The following ADGRD1 variants were observed in gnomAD, a reference collection of about 807,000 sequenced individuals.
The protein encoded by ADGRD1 is G-protein coupled receptor 133.
Under a neutral mutation model 113.4 loss-of-function variants are expected in ADGRD1, and 77 were observed. That is an observed-to-expected ratio of 0.68 (90% CI 0.57 to 0.82). The LOEUF is 0.82. Among genes scored for constraint, ADGRD1 ranks in the 40% least tolerant of loss-of-function variants. The pLI is 0.00. For missense variants in ADGRD1, 1,036 were observed against 1,139.1 expected (o/e 0.91, Z 1.30); for synonymous variants, 474 against 475.0 (o/e 1.00, Z 0.03).
intron 13 of ADGRD1, chr12:131,070,230 G>A (rs1431130993): frequency 6.6e-6 from 1 of 152,414 alleles, no homozygotes; most frequent in African/African-American, 2.4e-5. Flanking sequence ...ACGGGCTCGC[G>A]ACCTGTATGA....
chr12:130,996,926 C>T (rs1475916174), intron 8 of ADGRD1, among the ~76,000 whole-genome samples: 1 of 129,372 alleles, frequency 7.7e-6, no homozygotes, highest in Non-Finnish European at 1.7e-5. Flanking sequence ...AGGAGCCCCT[C>T]ACCTCCCGGA....
Position 130,992,246 on chromosome 12 carries a change from G to A in ADGRD1, c.820G>A (p.Asp274Asn), listed in dbSNP as rs1874506335. The change falls in exon 8 of 25, where the codon GAT becomes AAT. Residue 274 changes from aspartate (D) to asparagine (N), a missense_variant. Physicochemically the swap from Asp to Asn is conservative, Grantham distance 23. Coordinates refer to ENST00000261654, the MANE Select transcript of ADGRD1 (RefSeq NM_198827.5). ...TGCCAATTTCTTTCAGATGCCCACA[G>A]ATGCCTACCATCCCATCATAACCAA... ...TSTASPVMPTDAYHPIITNLT... is the reference protein window; with the variant it reads ...TSTASPVMPTNAYHPIITNLT... 1 of 1,610,310 alleles carries A rather than the reference G, an allele frequency of 6.2e-7. No individual in the cohort carries two copies. The highest frequency in any genetic ancestry group is 8.5e-7 in the Non-Finnish European group (1 of 1,179,042).
chr12:131,139,101 C>G, intron 24 of ADGRD1, 67 bp from the exon 25 acceptor site: 1 of 1,248,584 alleles, frequency 8.0e-7, no homozygotes. Context: ...GCTCCCCGCA[C>G]TCACTGGGCT....
In ADGRD1 at chr12:131,004,162, G is replaced by A. The variant is rs372003655; in HGVS notation, c.1145-24G>A. The A allele has an allele frequency of 2.8e-5, 41 of 1,473,462 alleles. 2 individuals are homozygous for A. Among genetic ancestry groups the A allele is most frequent in the African/African-American group, 1.7e-4 (12 of 72,008 alleles). 91.3% of individuals were successfully genotyped at this position (1,473,462 alleles called of 1,614,324 possible). On this transcript the variant is annotated intron_variant, in intron 10 of 24. Coordinates refer to ENST00000261654, the MANE Select transcript of ADGRD1 (RefSeq NM_198827.5). Reference sequence around the variant, plus strand: ...GCCTGTGAGCTCTGACGGGACTTCCGCTCTCTCGCTCCTTCCACCGCAGAG... The same window carrying A: ...GCCTGTGAGCTCTGACGGGACTTCCACTCTCTCGCTCCTTCCACCGCAGAG...
Position 131,050,129 on chromosome 12 carries a change from C to T in ADGRD1, c.1474-26672C>T, listed in dbSNP as rs752737648. ...GCAGGAAGCTGGGAATTCAGTGTGT[C>T]CTCCTGGGCCAGCACAAACCTCATC... On this transcript the variant is annotated intron_variant, in intron 13 of 24. Transcript: ENST00000261654. This position sits in a 1 kb window ranked among gnomAD's most constrained non-coding sequence, Gnocchi z 4.8. Among the ~76,000 whole-genome samples the T allele has an allele frequency of 2.0e-5, 3 of 152,064 alleles. No individual in the cohort carries two copies. Among genetic ancestry groups the T allele is most frequent in the Admixed American group, 6.5e-5 (1 of 15,270 alleles).
intron 12 of ADGRD1, among the ~76,000 whole-genome samples, chr12:131,011,302 A>G (rs1172524436): frequency 2.6e-5 from 4 of 151,408 alleles, no homozygotes; most frequent in African/African-American, 7.3e-5. Context: ...CTGATTACCA[A>G]ACTGGGCCTG....
At chr12:131,062,087 T>C (rs922045536) in intron 13 of ADGRD1, among the ~76,000 whole-genome samples, 11 of 152,114 alleles carry the variant, frequency 7.2e-5, no homozygotes, top group Admixed American at 7.2e-4. Flanking sequence ...AGTGAGGTGG[T>C]GCAATTTCAG....
rs1565985633 is a variant in ADGRD1 at position 130,965,988 on chromosome 12, G to T, written c.104-475G>T. On this transcript the variant is annotated intron_variant, in intron 2 of 24. Coordinates refer to ENST00000261654, the MANE Select transcript of ADGRD1 (RefSeq NM_198827.5). The surrounding 1 kb of genome is among the most constrained non-coding windows in gnomAD (Gnocchi z 4.8). Reference sequence around the variant, plus strand: ...ATAGATTATTGTTAGCATGAAGTGAGGAAGTGCTTGTTAAGGACCTCAGTG... The same window carrying T: ...ATAGATTATTGTTAGCATGAAGTGATGAAGTGCTTGTTAAGGACCTCAGTG... Among the ~76,000 whole-genome samples, 1 of 152,240 alleles carries T rather than the reference G, an allele frequency of 6.6e-6. No homozygotes were observed. Among genetic ancestry groups the T allele is most frequent in the East Asian group, 1.9e-4 (1 of 5,202 alleles).
intron 2 of ADGRD1, among the ~76,000 whole-genome samples, chr12:130,963,301 C>T (rs1210418406): frequency 1.8e-5 from 2 of 113,730 alleles, no homozygotes. Context: ...GCCTGGGCGA[C>T]AGAGCCAGAC....
intron 5 of ADGRD1, among the ~76,000 whole-genome samples, chr12:130,982,794 G>A (rs141703792): frequency 1.2e-3 from 183 of 152,252 alleles, no homozygotes; most frequent in African/African-American, 4.2e-3. Flanking sequence ...GGCTGCAGAG[G>A]CTGACGAAGG....
chr12:131,089,041 C>T (rs1886713571), intron 15 of ADGRD1, among the ~76,000 whole-genome samples: 1 of 152,206 alleles, frequency 6.6e-6, no homozygotes, highest in Non-Finnish European at 1.5e-5. Flanking sequence ...GCCCCAGGCA[C>T]AGGCGCCCAG....
In ADGRD1 at chr12:130,987,341, C is replaced by T; in HGVS notation, c.737C>T (p.Ala246Val). The T allele has an allele frequency of 6.2e-7, 1 of 1,614,106 alleles. No individual in the cohort carries two copies. Among genetic ancestry groups the T allele is most frequent in the Non-Finnish European group, 8.5e-7 (1 of 1,180,008 alleles). Reference protein sequence around the residue: ...TPDEIAMYFTAAIGKHALLSS... With the variant: ...TPDEIAMYFTVAIGKHALLSS... ...GATGAGATCGCCATGTACTTCACTG[C>T]TGCCATTGGTCAGTGAGTGTGAAGG... Residue 246 changes from alanine (A) to valine (V), a missense_variant, in exon 6 of 25, where the codon GCT becomes GTT. Transcript: ENST00000261654.
chr12:130,970,232 A>G (rs768571596), intron 3 of ADGRD1: 5 of 152,196 alleles, frequency 3.3e-5, no homozygotes, highest in East Asian at 1.9e-4. Context: ...GACCCTGTCA[A>G]TCTTACCCTG....
intron 2 of ADGRD1, among the ~76,000 whole-genome samples, chr12:130,958,822 G>A (rs1407215522): frequency 4.1e-5 from 6 of 146,936 alleles, no homozygotes; most frequent in Non-Finnish European, 7.6e-5. Flanking sequence ...TATGAAAAGC[G>A]GCCAGTTTGT....
At chr12:130,962,765 CT>C (rs1387856440) in intron 2 of ADGRD1, 5 of 152,250 alleles carry the variant, frequency 3.3e-5, no homozygotes, top group Admixed American at 1.3e-4. Context: ...AGATACTTCT[CT>C]TTAGCTCATA....
At chr12:131,028,655 C>T (rs906832785) in intron 13 of ADGRD1, among the ~76,000 whole-genome samples, 11 of 152,290 alleles carry the variant, frequency 7.2e-5, no homozygotes, top group African/African-American at 1.7e-4. Context: ...TGTCCCCAGA[C>T]GGATATGTAA....
intron 21 of ADGRD1, among the ~76,000 whole-genome samples, chr12:131,134,970 G>A (rs1412538898): frequency 2.0e-5 from 3 of 152,250 alleles, no homozygotes; most frequent in African/African-American, 7.2e-5. Flanking sequence ...GGGGTAAACC[G>A]AGGCATGTGA....
chr12:131,128,010 G>T (rs1225436518), intron 20 of ADGRD1, among the ~76,000 whole-genome samples: 5 of 104,664 alleles, frequency 4.8e-5, no homozygotes, highest in East Asian at 5.9e-4. Context: ...GGTTGGTTGT[G>T]ATGGGACTCT....
At chr12:131,063,600 G>A (rs1275653926) in intron 13 of ADGRD1, among the ~76,000 whole-genome samples, 1 of 152,152 alleles carries the variant, frequency 6.6e-6, no homozygotes, top group Non-Finnish European at 1.5e-5. Flanking sequence ...CTGTTCCCAG[G>A]TTCTCGGCTC....
Sources: gnomAD v4.1 joint callset for allele counts (sites outside exome capture counted in the v4.1 genomes callset) on GRCh38, gnomAD v4.1.1 for gene constraint, Gnocchi (gnomAD v3.1) non-coding constraint, MANE v1.5 for transcripts, NCBI Gene and HGNC (gene_info 2026-07-23, HGNC 2026-07-21) for gene names.